MYT1: variants seen among roughly 807,000 people sequenced by gnomAD.
MYT1 encodes myelin transcription factor 1.
MYT1 carries 23 observed loss-of-function variants against 123.0 expected under a neutral mutation model. The observed-to-expected ratio is 0.19, with a 90% confidence interval of 0.13 to 0.26. The LOEUF is 0.26. Among genes scored for constraint, MYT1 ranks in the 10% least tolerant of loss-of-function variants. The pLI is 1.00. For synonymous variants in MYT1, 518 were observed against 575.3 expected (o/e 0.90, Z 1.43); for missense variants, 1,125 against 1,472.5 (o/e 0.76, Z 3.86).
chr20:64,236,260 ATGGCGGTGGTGGGTGACCCGGGGC>A (rs1568723091), intron 19 of MYT1, among the ~76,000 whole-genome samples: 20 of 84,632 alleles, frequency 2.4e-4, no homozygotes, highest in South Asian at 4.2e-4. Flanking sequence ...TGACCCTGGG[ATGGCGGTGGTGGGTGACCCGGGGC>A]TGGCCGCGGT....
Position 64,242,246 on chromosome 20 carries a change from A to C in MYT1, c.*1798A>C, listed in dbSNP as rs1161442648. ...GATTTCCTAATAAAAGTCCACTCTG[A>C]CTGTGAATCGGTGCTGTGGTCTGTG... On this transcript the variant is annotated 3_prime_UTR_variant, in exon 23 of 23. Coordinates refer to ENST00000328439, the MANE Select transcript of MYT1 (RefSeq NM_004535.3). The C allele has an allele frequency of 2.0e-5, 3 of 152,496 alleles. No individual in the cohort carries two copies. In the East Asian group the frequency reaches 5.8e-4, roughly 29 times the overall value. 9.4% of individuals were successfully genotyped at this position (152,496 alleles called of 1,614,324 possible).
intron 19 of MYT1, among the ~76,000 whole-genome samples, chr20:64,235,852 C>CTGGCCGTGGTGGGTGACGCTGGGA (rs1568722806): frequency 9.5e-6 from 1 of 105,698 alleles, no homozygotes; most frequent in East Asian, 2.5e-4. Context: ...TGACCCTGGG[C>CTGGCCGTGGTGGGTGACGCTGGGA]TGGCCGTGGT....
chr20:64,223,005 C>A (rs1048337558), intron 14 of MYT1, 106 bp from the exon 15 acceptor site: 2 of 1,300,654 alleles, frequency 1.5e-6, no homozygotes, highest in Non-Finnish European at 2.2e-6. Flanking sequence ...CCGCTTGGCT[C>A]GCGGGTGAGC....
At position 64,191,907 on chromosome 20, in the gene MYT1, C is replaced by T. The variant is rs528133685; in HGVS notation, c.-1+1747C>T. 2 of 152,274 alleles carry T rather than the reference C, an allele frequency of 1.3e-5. No homozygotes were observed. The highest frequency in any genetic ancestry group is 4.2e-4 in the South Asian group (2 of 4,816). The allele number at this position is 152,274 out of a possible 1,614,324, so 9.4% of individuals were successfully genotyped here. A position where few individuals can be genotyped will look rare whatever the true frequency, so the allele number is the denominator to read the frequency against. On this transcript the variant is annotated intron_variant, in intron 2 of 22. Transcript: ENST00000328439. This position sits in a 1 kb window ranked among gnomAD's most constrained non-coding sequence, Gnocchi z 4.1. ...TGATCATTGAGTTTTTGGCCTCATT[C>T]CCCTCACCCTACCCCAGATCCTGAG...
chr20:64,236,481 C>T (rs867120074), intron 19 of MYT1, 74 bp from the exon 20 acceptor site: 29 of 1,179,092 alleles, frequency 2.5e-5, no homozygotes, highest in South Asian at 6.6e-5. Context: ...CTGGGCTGGC[C>T]GTGGTATGTG....
chr20:64,234,932 A>ATGGTGGGTGACCCTGGGATGGCTG (rs1984459925), intron 19 of MYT1, among the ~76,000 whole-genome samples: 3 of 69,428 alleles, frequency 4.3e-5, no homozygotes, highest in Non-Finnish European at 8.8e-5. Flanking sequence ...TTGGCTGGCC[A>ATGGTGGGTGACCCTGGGATGGCTG]TGGTGGGTGA....
chr20:64,170,839 C>A (rs1982232169), intron 1 of MYT1, among the ~76,000 whole-genome samples: 1 of 93,954 alleles, frequency 1.1e-5, no homozygotes, highest in Non-Finnish European at 2.1e-5. Context: ...CACAGATAGA[C>A]AAATTGGTCA....
chr20:64,225,794 T>C (rs1036469175), intron 16 of MYT1, among the ~76,000 whole-genome samples: 10 of 152,120 alleles, frequency 6.6e-5, no homozygotes, highest in African/African-American at 2.4e-4. Context: ...TACTTTCCTC[T>C]CTGGGACACA....
At chr20:64,181,343 G>A (rs1309565838) in intron 1 of MYT1, among the ~76,000 whole-genome samples, 1 of 151,496 alleles carries the variant, frequency 6.6e-6, no homozygotes, top group Non-Finnish European at 1.5e-5. Flanking sequence ...TCTCTTTCTG[G>A]AACTCCCAAA....
rs900184300 is a variant in MYT1, at chr20:64,186,907, C to T, written c.-98-3156C>T. ...GAGACTTTTCCTGTAGCCCGTGGCC[C>T]CGGCATCCATGTTTCCGTGGAGAGT... On this transcript the variant is annotated intron_variant, in intron 1 of 22. Coordinates refer to ENST00000328439, the MANE Select transcript of MYT1 (RefSeq NM_004535.3). This position sits in a 1 kb window ranked among gnomAD's most constrained non-coding sequence, Gnocchi z 4.3. 1.3e-5 allele frequency among the ~76,000 whole-genome samples: 2 copies of T among 150,124 alleles called. No homozygotes were observed. The highest frequency in any genetic ancestry group is 4.0e-4 in the East Asian group (2 of 5,016).
chr20:64,187,503 G>A (rs542449035), intron 1 of MYT1, among the ~76,000 whole-genome samples: 234 of 152,324 alleles, frequency 1.5e-3, no homozygotes, highest in African/African-American at 5.2e-3. Context: ...CGGCATCCAC[G>A]TTTCCGTGGA....
chr20:64,238,949 C>T (rs1283095104), intron 21 of MYT1, among the ~76,000 whole-genome samples: 3 of 152,210 alleles, frequency 2.0e-5, no homozygotes, highest in Non-Finnish European at 2.9e-5. Flanking sequence ...GCAACCCTTT[C>T]AAAGCCACAT....
intron 1 of MYT1, among the ~76,000 whole-genome samples, chr20:64,165,335 C>T (rs1982049485): frequency 6.6e-6 from 1 of 152,144 alleles, no homozygotes; most frequent in East Asian, 1.9e-4. Flanking sequence ...ATATCGGCCG[C>T]TCCTCTCAGC....
Position 64,240,384 on chromosome 20 carries a change from A to G in MYT1, c.3302A>G (p.Gln1101Arg). ...ACCCTCACCGACATGTACTCCAACC[A>G]GGACCCGGAGAACAAGGACCTCCTG... ...VSTLTDMYSN[Q>R]DPENKDLLES... Residue 1101 changes from glutamine to arginine, a missense_variant, in exon 23 of 23, where the codon CAG becomes CGG. This residue lies in a region of MYT1 where 243 missense variants were observed against 323.1 expected (regional missense o/e 0.75). Transcript: ENST00000328439. The G allele has an allele frequency of 6.2e-7, 1 of 1,614,052 alleles. No individual in the cohort carries two copies. The highest frequency in any genetic ancestry group is 8.5e-7 in the Non-Finnish European group (1 of 1,180,022).
At chr20:64,230,762 G>A (rs944956440) in intron 18 of MYT1, among the ~76,000 whole-genome samples, 20 of 152,328 alleles carry the variant, frequency 1.3e-4, no homozygotes, top group African/African-American at 4.6e-4. Context: ...AGGTGACCTC[G>A]GACTGGCTCA....
At position 64,240,871 on chromosome 20, in the gene MYT1, G is replaced by A. The variant is rs186806560; in HGVS notation, c.*423G>A. 7.0e-4 allele frequency: 122 copies of A among 173,486 alleles called. No individual in the cohort carries two copies. Among genetic ancestry groups the A allele is most frequent in the African/African-American group, 2.6e-3 (110 of 42,162 alleles). 10.7% of individuals were successfully genotyped at this position (173,486 alleles called of 1,614,324 possible). On this transcript the variant is annotated 3_prime_UTR_variant, in exon 23 of 23. Coordinates refer to ENST00000328439, the MANE Select transcript of MYT1 (RefSeq NM_004535.3). Reference sequence around the variant, plus strand: ...AGTGGCATCTTGGCCTGGAGGACACGCCTGGGGCAGCGTGTCTGTGCTCAG... The same window carrying A: ...AGTGGCATCTTGGCCTGGAGGACACACCTGGGGCAGCGTGTCTGTGCTCAG...
intron 1 of MYT1, among the ~76,000 whole-genome samples, chr20:64,187,346 A>T (rs982345940): frequency 1.5e-5 from 2 of 137,112 alleles, no homozygotes; most frequent in African/African-American, 2.8e-5. Flanking sequence ...GTTTTCCTGT[A>T]GCCTGTGGCC....
intron 10 of MYT1, among the ~76,000 whole-genome samples, chr20:64,214,669 A>G (rs1377135296): frequency 1.3e-5 from 2 of 152,158 alleles, no homozygotes; most frequent in Non-Finnish European, 2.9e-5. Flanking sequence ...CCCGTGAGGA[A>G]CTAGAACTCA....
At chr20:64,210,467 G>C (rs969369957) in intron 7 of MYT1, among the ~76,000 whole-genome samples, 1 of 152,202 alleles carries the variant, frequency 6.6e-6, no homozygotes, top group African/African-American at 2.4e-5. Flanking sequence ...TGTCCACATG[G>C]GTGGAAGTCT....
Sources: gnomAD v4.1 joint callset for allele counts (sites outside exome capture counted in the v4.1 genomes callset) on GRCh38, gnomAD v4.1.1 for gene constraint, gnomAD v4.1.1 regional missense constraint, Gnocchi (gnomAD v3.1) non-coding constraint, MANE v1.5 for transcripts, NCBI Gene and HGNC (gene_info 2026-07-23, HGNC 2026-07-21) for gene names.